ZNF616: variants seen among roughly 807,000 people sequenced by gnomAD.
The protein encoded by ZNF616 is zinc finger protein 616.
A neutral mutation model predicts 7.6 loss-of-function variants in ZNF616; 5 were observed. The ratio of observed to expected loss-of-function variants is 0.66; its 90% CI spans 0.34 to 1.38. The LOEUF (loss-of-function observed/expected upper bound fraction) is 1.38, where lower values mean the gene tolerates loss of function less well. Among genes scored for constraint, ZNF616 ranks in the 40% most tolerant of loss-of-function variants. ZNF616 has a pLI of 0.04. For missense variants in ZNF616, 913 were observed against 948.3 expected (o/e 0.96, Z 0.49); for synonymous variants, 319 against 317.2 (o/e 1.01, Z -0.06).
At chr19:52,127,722 G>A (rs1211559716) in intron 2 of ZNF616, among the ~76,000 whole-genome samples, 5 of 152,080 alleles carry the variant, frequency 3.3e-5, no homozygotes, top group Admixed American at 3.3e-4. Context: ...AAACACCTGT[G>A]GTGAAGAGAG....
Position 52,116,711 on chromosome 19 carries a change from C to A in ZNF616, c.453G>T (p.Leu151=), listed in dbSNP as rs766613468. 2.5e-6 allele frequency: 4 copies of A among 1,614,112 alleles called. No individual in the cohort carries two copies. Among genetic ancestry groups the A allele is most frequent in the Middle Eastern group, 1.6e-4 (1 of 6,062 alleles). The change falls in exon 4 of 4, where the codon CTG becomes CTT. Residue 151 remains leucine, a synonymous_variant. Coordinates refer to ENST00000600228, the MANE Select transcript of ZNF616 (RefSeq NM_178523.5). ...GTCTCCCTTCAGTTTGAACTTTCTG[C>A]AGTTCAGCCAGACGTGACTCAAAGT... The part of the protein sequence containing the change: ...TSNFESRLAE[L]QKVQTEGRLY...
chr19:52,132,208 A>T (rs2088966323), intron 1 of ZNF616, among the ~76,000 whole-genome samples: 1 of 152,220 alleles, frequency 6.6e-6, no homozygotes, highest in Admixed American at 6.5e-5. Context: ...AGCTAGAGCC[A>T]GGAAGTATAG....
At position 52,116,154 on chromosome 19, in the gene ZNF616, C is replaced by G. The variant is rs774159126; in HGVS notation, c.1010G>C (p.Ser337Thr). 2.5e-6 allele frequency: 4 copies of G among 1,613,914 alleles called. No homozygotes were observed. The highest frequency in any genetic ancestry group is 3.4e-6 in the Non-Finnish European group (4 of 1,179,980). Residue 337 changes from serine (S) to threonine (T), a missense_variant, in exon 4 of 4, where the codon AGC becomes ACC. Physicochemically the swap from Ser to Thr is moderately conservative, Grantham distance 58. Transcript: ENST00000600228. ...CNECGKTFKR[S>T]SNLTVHQVIH... is the part of the protein sequence containing the mutation. Reference sequence around the variant, plus strand: ...TACCTGATGTACAGTGAGGTTTGAGCTCCGTTTAAAGGTTTTGCCACACTC... The same window carrying G: ...TACCTGATGTACAGTGAGGTTTGAGGTCCGTTTAAAGGTTTTGCCACACTC...
At chr19:52,134,952 A>G (rs2088994985) in intron 1 of ZNF616, among the ~76,000 whole-genome samples, 1 of 152,174 alleles carries the variant, frequency 6.6e-6, no homozygotes, top group South Asian at 2.1e-4. Flanking sequence ...CTGTCCTGGC[A>G]GCGAGAAAGT....
chr19:52,124,088 G>A (rs1316856715), intron 2 of ZNF616, 39 bp from the exon 3 acceptor site: 17 of 1,572,940 alleles, frequency 1.1e-5, no homozygotes, highest in Non-Finnish European at 1.4e-5. Context: ...AGCAATATGA[G>A]AGCTCTTCTG....
intron 2 of ZNF616, among the ~76,000 whole-genome samples, chr19:52,124,430 T>C (rs917425291): frequency 2.0e-5 from 3 of 152,230 alleles, no homozygotes; most frequent in African/African-American, 4.8e-5. Flanking sequence ...CTAAAAACTG[T>C]GATGACCAGA....
At position 52,117,041 on chromosome 19, in the gene ZNF616, A is replaced by G; in HGVS notation, c.140-17T>C. ...GAGAGATACCTGCAAAATATAATGA[A>G]CATGAGTTTTTTTTTAAACTACTAC... On this transcript the variant is annotated splice_polypyrimidine_tract_variant and intron_variant, in intron 3 of 3. Coordinates refer to ENST00000600228, the MANE Select transcript of ZNF616 (RefSeq NM_178523.5). 6.5e-7 allele frequency: 1 copy of G among 1,530,472 alleles called. No individual in the cohort carries two copies. The highest frequency in any genetic ancestry group is 8.7e-7 in the Non-Finnish European group (1 of 1,146,570). 94.8% of individuals were successfully genotyped at this position (1,530,472 alleles called of 1,614,324 possible).
chr19:52,116,633 A>G lies in ZNF616; in HGVS notation c.531T>C (p.Ser177=). The change falls in exon 4 of 4, where the codon TCT becomes TCC. Residue 177 remains serine, a synonymous_variant. Transcript: ENST00000600228. ...CATACGTTTTTTCCCTAATGTGTGG[A>G]GAAACTAAACAACCATTATTACCTG... The part of the protein sequence containing the change: ...EKTGNNGCLV[S]PHIREKTYVC... The G allele has an allele frequency of 5.0e-6, 8 of 1,614,112 alleles. No homozygotes were observed. Among genetic ancestry groups the G allele is most frequent in the Non-Finnish European group, 5.9e-6 (7 of 1,180,002 alleles).
At chr19:52,134,556 C>T (rs1220297157) in intron 1 of ZNF616, among the ~76,000 whole-genome samples, 1 of 152,112 alleles carries the variant, frequency 6.6e-6, no homozygotes, top group Non-Finnish European at 1.5e-5. Flanking sequence ...GAGCCCTTTA[C>T]CTGTGGGCAA....
Position 52,116,446 on chromosome 19 carries a change from A to G in ZNF616, c.718T>C (p.Ser240Pro), listed in dbSNP as rs768570849. The change falls in exon 4 of 4, where the codon TCA becomes CCA. Residue 240 changes from serine (S) to proline (P), a missense_variant. Physicochemically the swap from Ser to Pro is moderately conservative, Grantham distance 74 (BLOSUM62 -1). Transcript: ENST00000600228. ...VHKVVHTRGK[S>P]YQCDVCGKIF... is the part of the protein sequence containing the mutation. ...TTGCCACATACATCACATTGATATG[A>G]TTTCCCTCTTGTATGGACTACCTTG... is the stretch of plus-strand genomic sequence containing the variant. 6.2e-7 allele frequency: 1 copy of G among 1,614,014 alleles called. No individual in the cohort carries two copies.
At position 52,116,348 on chromosome 19, in the gene ZNF616, A is replaced by G; in HGVS notation, c.816T>C (p.Asn272=). The G allele has an allele frequency of 3.1e-6, 5 of 1,614,164 alleles. No individual in the cohort carries two copies. Among genetic ancestry groups the G allele is most frequent in the Non-Finnish European group, 3.4e-6 (4 of 1,180,008 alleles). ...SHTGQKPYIC[N]ECGKSFSKSS... ...TTTTACTAAAGGACTTGCCACATTC[A>G]TTACATATGTAGGGTTTCTGTCCAG... The change falls in exon 4 of 4, where the codon AAT becomes AAC. Residue 272 remains asparagine (N), a synonymous_variant. Coordinates refer to ENST00000600228, the MANE Select transcript of ZNF616 (RefSeq NM_178523.5).
chr19:52,123,095 TAA>T (rs1431897912), intron 3 of ZNF616, among the ~76,000 whole-genome samples: 1 of 152,056 alleles, frequency 6.6e-6, no homozygotes, highest in East Asian at 1.9e-4. Context: ...GTAAAATATA[TAA>T]AATGATATAC....
At chr19:52,126,739 A>C (rs1448885848) in intron 2 of ZNF616, among the ~76,000 whole-genome samples, 2 of 152,096 alleles carry the variant, frequency 1.3e-5, no homozygotes, top group African/African-American at 4.8e-5. Context: ...ACTGCACTCC[A>C]GCCTGGGCGA....
At chr19:52,125,096 A>G (rs1234893957) in intron 2 of ZNF616, among the ~76,000 whole-genome samples, 2 of 152,200 alleles carry the variant, frequency 1.3e-5, no homozygotes, top group Non-Finnish European at 2.9e-5. Context: ...TGGAGGAGAG[A>G]AAAACACTCA....
intron 1 of ZNF616, among the ~76,000 whole-genome samples, chr19:52,135,243 C>T (rs971976478): frequency 2.6e-5 from 4 of 152,048 alleles, no homozygotes; most frequent in Admixed American, 2.0e-4. Context: ...TCCCACATGC[C>T]CCAACAACTC....
chr19:52,136,129 CAA>C (rs796547921), intron 1 of ZNF616, among the ~76,000 whole-genome samples: 80 of 24,530 alleles, frequency 3.3e-3, no homozygotes, highest in African/African-American at 0.011. Context: ...GACTTTGTCT[CAA>C]AAAAAAAAAA....
chr19:52,118,350 C>T (rs2088842257), intron 3 of ZNF616, among the ~76,000 whole-genome samples: 2 of 152,148 alleles, frequency 1.3e-5, no homozygotes, highest in Admixed American at 6.5e-5. Flanking sequence ...AGACAACAAA[C>T]ACTGTTTGGA....
Position 52,116,835 on chromosome 19 carries a change from T to C in ZNF616, c.329A>G (p.Glu110Gly), listed in dbSNP as rs1232071831. ...QWKDGETNDKEVPVPHENNLT... is the reference protein window; with the variant it reads ...QWKDGETNDKGVPVPHENNLT... Reference sequence around the variant, plus strand: ...ATTGTTTTCATGGGGCACTGGCACTTCTTTATCATTTGTTTCACCATCTTT... The same window carrying C: ...ATTGTTTTCATGGGGCACTGGCACTCCTTTATCATTTGTTTCACCATCTTT... Residue 110 changes from glutamate (E) to glycine (G), a missense_variant, in exon 4 of 4, where the codon GAA (glutamate) becomes GGA (glycine). Coordinates refer to ENST00000600228, the MANE Select transcript of ZNF616 (RefSeq NM_178523.5). The C allele has an allele frequency of 2.5e-6, 4 of 1,613,892 alleles. No individual in the cohort carries two copies. The highest frequency in any genetic ancestry group is 1.1e-5 in the South Asian group (1 of 91,014).
In ZNF616 at chr19:52,118,388, T is replaced by TA. The variant is rs775408452; in HGVS notation, c.140-1365dup. The stretch of plus-strand genomic sequence containing the variant: ...AAACTACAAAATGAAAACTTACAGA[T>TA]ACAATGAAGGCTGCTTTGATATAAA... On this transcript the variant is annotated intron_variant, in intron 3 of 3. Transcript: ENST00000600228. 1.9e-3 allele frequency among the ~76,000 whole-genome samples: 295 copies of TA among 152,294 alleles called. 2 individuals are homozygous for TA. The highest frequency in any genetic ancestry group is 1.7e-3 in the Non-Finnish European group (118 of 68,008).
Sources: allele counts gnomAD v4.1 joint callset (sites outside exome capture counted in the v4.1 genomes callset), GRCh38; gene constraint gnomAD v4.1.1; transcripts MANE v1.5; gene names NCBI Gene and HGNC (gene_info 2026-07-23, HGNC 2026-07-21).